The following LGR4 variants were observed in gnomAD, a reference collection of about 807,000 sequenced individuals.
LGR4 encodes the protein leucine-rich repeat-containing G protein-coupled receptor 4.
Under a neutral mutation model 84.8 loss-of-function variants are expected in LGR4, and 44 were observed. The observed-to-expected ratio is 0.52, with a 90% CI of 0.41 to 0.67. The LOEUF (loss-of-function observed/expected upper bound fraction) is 0.67. Ranked by LOEUF, LGR4 falls within the 30% of genes least tolerant of loss-of-function variation. The pLI is 0.00. For missense variants in LGR4, 1,032 were observed against 1,131.4 expected, an observed-to-expected ratio of 0.91 and a Z score of 1.26; for synonymous variants, 429 against 434.3, an observed-to-expected ratio of 0.99 and a Z score of 0.15.
chr11:27,472,171 G>A lies in LGR4; in HGVS notation c.132C>T (p.Ser44=), dbSNP rs1203959286. 2 of 1,410,606 alleles carry A rather than the reference G, an allele frequency of 1.4e-6. No homozygotes were observed. Among genetic ancestry groups the A allele is most frequent in the South Asian group, 1.4e-5 (1 of 71,126 alleles). The allele number at this position is 1,410,606 out of a possible 1,614,324, so 87.4% of individuals were successfully genotyped here. A position where few individuals can be genotyped will look rare whatever the true frequency, so the allele number is the denominator to read the frequency against. The change falls in exon 1 of 18, where the codon TCC becomes TCT. Residue 44 remains serine, a synonymous_variant. Transcript: ENST00000379214. ...CGGGCACGGCCGTCAGCCCCTTCCC[G>A]GAGCAGTCCACCCGACGGTCGCCGT... The part of the protein sequence containing the change: ...SCDGDRRVDC[S]GKGLTAVPEG...
intron 1 of LGR4, among the ~76,000 whole-genome samples, chr11:27,418,370 A>G (rs1203738985): frequency 6.6e-6 from 1 of 152,188 alleles, no homozygotes; most frequent in Non-Finnish European, 1.5e-5. Context: ...TTTTGACCCT[A>G]CATGTTTTAG....
chr11:27,373,467 G>C (rs1213324175), intron 15 of LGR4, 84 bp downstream of exon 15: 2 of 1,330,176 alleles, frequency 1.5e-6, no homozygotes, highest in African/African-American at 3.0e-5. Context: ...GAAAATCTGA[G>C]AACCAGAGCA....
chr11:27,382,386 C>A (rs74657438), intron 6 of LGR4, 130 bp from the exon 7 acceptor site: 2 of 617,212 alleles, frequency 3.2e-6, no homozygotes, highest in Admixed American at 6.2e-5. Context: ...TCAACCATAT[C>A]GTCATTCAAA....
intron 2 of LGR4, among the ~76,000 whole-genome samples, chr11:27,393,251 AG>A (rs1863319199): frequency 6.6e-6 from 1 of 152,166 alleles, no homozygotes; most frequent in Non-Finnish European, 1.5e-5. Flanking sequence ...AGAGGATATT[AG>A]GGAGAAGAAT....
intron 2 of LGR4, among the ~76,000 whole-genome samples, chr11:27,394,725 A>G (rs2054457): frequency 0.03 from 4,515 of 152,036 alleles, 206 homozygotes; most frequent in African/African-American, 0.1. Flanking sequence ...TAAACACCCA[A>G]CTGCAATGCT....
chr11:27,465,405 T>C (rs1864759910), intron 1 of LGR4, among the ~76,000 whole-genome samples: 1 of 152,210 alleles, frequency 6.6e-6, no homozygotes, highest in Non-Finnish European at 1.5e-5. Flanking sequence ...CGTAATGGTA[T>C]GAAAAACATG....
At chr11:27,429,830 CAT>C (rs1418520501) in intron 1 of LGR4, among the ~76,000 whole-genome samples, 2 of 152,126 alleles carry the variant, frequency 1.3e-5, no homozygotes, top group African/African-American at 4.8e-5. Context: ...TGTGTGTAAA[CAT>C]GTGAGAAAGA....
chr11:27,436,371 A>AAGAG (rs543548414), intron 1 of LGR4, among the ~76,000 whole-genome samples: 34 of 139,996 alleles, frequency 2.4e-4, no homozygotes, highest in Admixed American at 5.5e-4. Flanking sequence ...GAAAGAAAGA[A>AAGAG]AGAGAGAGAG....
intron 1 of LGR4, among the ~76,000 whole-genome samples, chr11:27,467,196 C>A (rs1462884528): frequency 6.6e-6 from 1 of 152,088 alleles, no homozygotes; most frequent in Non-Finnish European, 1.5e-5. Flanking sequence ...GAAGAGTCTC[C>A]TGGGTTGGTG....
rs527317984 is a variant in LGR4 at position 27,462,840 on chromosome 11, G to A, written c.185+9278C>T. On this transcript the variant is annotated intron_variant, in intron 1 of 17. Coordinates refer to ENST00000379214, the MANE Select transcript of LGR4 (RefSeq NM_018490.5). ...AGCTCTACAATGCCCTCCTGAACTC[G>A]GATGTCTTCATTTCCTGTGCCAGAC... Among the ~76,000 whole-genome samples the A allele has an allele frequency of 7.2e-5, 11 of 151,734 alleles. No individual in the cohort carries two copies. The South Asian group carries it at 1.5e-3, about 20-fold the overall frequency.
At chr11:27,453,556 C>T (rs1864521866) in intron 1 of LGR4, among the ~76,000 whole-genome samples, 1 of 152,026 alleles carries the variant, frequency 6.6e-6, no homozygotes, top group South Asian at 2.1e-4. Context: ...CTTTTATATT[C>T]ATTGTGCTTA....
intron 1 of LGR4, among the ~76,000 whole-genome samples, chr11:27,437,288 T>C (rs1864228325): frequency 6.6e-6 from 1 of 150,712 alleles, no homozygotes; most frequent in South Asian, 2.1e-4. Flanking sequence ...AACCCTACTG[T>C]TTTGGCCAAT....
At chr11:27,447,695 G>A (rs1864415623) in intron 1 of LGR4, among the ~76,000 whole-genome samples, 1 of 152,102 alleles carries the variant, frequency 6.6e-6, no homozygotes, top group South Asian at 2.1e-4. Context: ...CCTGTGCAAA[G>A]CCAAGAATTC....
Position 27,366,754 on chromosome 11 carries a change from G to C in LGR4, c.*1113C>G, listed in dbSNP as rs1026139156. 6.6e-6 allele frequency: 1 copy of C among 152,236 alleles called. No individual in the cohort carries two copies. The highest frequency in any genetic ancestry group is 1.5e-5 in the Non-Finnish European group (1 of 67,934). 9.4% of individuals were successfully genotyped at this position (152,236 alleles called of 1,614,324 possible). On this transcript the variant is annotated 3_prime_UTR_variant, in exon 18 of 18. Coordinates refer to ENST00000379214, the MANE Select transcript of LGR4 (RefSeq NM_018490.5). Reference sequence around the variant, plus strand: ...AATAACATATTATCTTGTTTAACCAGAGTTCAACCTCTGAGCTATTGAATA... The same window carrying C: ...AATAACATATTATCTTGTTTAACCACAGTTCAACCTCTGAGCTATTGAATA...
At chr11:27,457,755 A>G (rs996970189) in intron 1 of LGR4, among the ~76,000 whole-genome samples, 2 of 152,236 alleles carry the variant, frequency 1.3e-5, no homozygotes, top group Admixed American at 6.5e-5. Context: ...AAAGCTAGAA[A>G]TAGGGCAAAT....
At chr11:27,427,882 C>T (rs1434090640) in intron 1 of LGR4, among the ~76,000 whole-genome samples, 1 of 152,074 alleles carries the variant, frequency 6.6e-6, no homozygotes, top group Non-Finnish European at 1.5e-5. Flanking sequence ...CACAACTTGT[C>T]TTTTTTATCT....
In LGR4 at chr11:27,368,098, C is replaced by A; in HGVS notation, c.2625G>T (p.Leu875Phe). 2 of 1,588,486 alleles carry A rather than the reference C, an allele frequency of 1.3e-6. No homozygotes were observed. Among genetic ancestry groups the A allele is most frequent in the African/African-American group, 1.4e-5 (1 of 73,904 alleles). The change falls in exon 18 of 18, where the codon TTG becomes TTT. Residue 875 changes from leucine (L) to phenylalanine (F), a missense_variant. Coordinates refer to ENST00000379214, the MANE Select transcript of LGR4 (RefSeq NM_018490.5). The stretch of plus-strand genomic sequence containing the variant: ...ATGCAGGACAGCTGTGTGATTTTAT[C>A]AAGTGTTTGCATGATACTGGCTTTG... The part of the protein sequence containing the change: ...LLTKPVSCKH[L>F]IKSHSCPALA...
At chr11:27,371,732 A>G in intron 16 of LGR4, 34 bp from the exon 17 acceptor site, 1 of 1,463,198 alleles carries the variant, frequency 6.8e-7, no homozygotes. Flanking sequence ...TTTAATTAAA[A>G]CCTTATGCAA....
chr11:27,420,042 A>AT (rs1256307958), intron 1 of LGR4, among the ~76,000 whole-genome samples: 6 of 152,312 alleles, frequency 3.9e-5, no homozygotes, highest in Admixed American at 3.9e-4. Context: ...AAACAATTGT[A>AT]TATTAAAAAG....
Sources: allele counts gnomAD v4.1 joint callset (sites outside exome capture counted in the v4.1 genomes callset), GRCh38; gene constraint gnomAD v4.1.1; transcripts MANE v1.5; gene names NCBI Gene and HGNC (gene_info 2026-07-23, HGNC 2026-07-21).